ANKRD17: variants seen among roughly 807,000 people sequenced by gnomAD.
The protein encoded by ANKRD17 is ankyrin repeat domain-containing protein 17.
A neutral mutation model predicts 229.7 loss-of-function variants in ANKRD17; 19 were observed. The ratio of observed to expected loss-of-function variants is 0.08; its 90% CI spans 0.06 to 0.12. ANKRD17 has a LOEUF of 0.12. Among genes scored for constraint, ANKRD17 ranks in the 10% least tolerant of loss-of-function variants. The pLI, the probability that ANKRD17 is intolerant of heterozygous loss-of-function variation, is 1.00. For missense variants in ANKRD17, 2,176 were observed against 3,176.8 expected (o/e 0.68, Z 7.57); for synonymous variants, 1,112 against 1,146.1 (o/e 0.97, Z 0.60).
chr4:73,137,615 T>C (rs928254534), intron 15 of ANKRD17, among the ~76,000 whole-genome samples: 2 of 152,196 alleles, frequency 1.3e-5, no homozygotes, highest in Non-Finnish European at 2.9e-5. Context: ...TGTGTGTGAA[T>C]GTGCACATGC....
chr4:73,165,961 T>C (rs1733174870), intron 2 of ANKRD17, among the ~76,000 whole-genome samples: 1 of 152,318 alleles, frequency 6.6e-6, no homozygotes, highest in South Asian at 2.1e-4. Context: ...ATAAGGAACA[T>C]AGGATAGCTG....
At position 73,098,959 on chromosome 4, in the gene ANKRD17, G is replaced by A; in HGVS notation, c.4574-439C>T. The A allele has an allele frequency of 5.0e-6, 5 of 990,990 alleles. No individual in the cohort carries two copies. In the Admixed American group the frequency reaches 8.7e-5, roughly 17 times the overall value. 61.4% of individuals were successfully genotyped at this position (990,990 alleles called of 1,614,324 possible). On this transcript the variant is annotated intron_variant, in intron 25 of 33. Transcript: ENST00000358602. ...GGACAGCACTGGTAGGGAGTCAGAA[G>A]GAGCCCAGTGAAGTGCCAACACCTA...
At position 73,074,306 on chromosome 4, in the gene ANKRD17, A is replaced by C. The variant is rs1720874801; in HGVS notation, c.*1925T>G. On this transcript the variant is annotated 3_prime_UTR_variant, in exon 34 of 34. Transcript: ENST00000358602. ...CCAGCAGGATTACCTTAAATAGAAA[A>C]TAACCCTAGTTAACACAGGAAAGAA... is the stretch of plus-strand genomic sequence containing the variant. The C allele has an allele frequency of 6.6e-6, 1 of 152,024 alleles. No individual in the cohort carries two copies. Among genetic ancestry groups the C allele is most frequent in the African/African-American group, 2.4e-5 (1 of 41,446 alleles). 9.4% of individuals were successfully genotyped at this position (152,024 alleles called of 1,614,324 possible).
At chr4:73,146,128 C>T (rs1730253810) in intron 10 of ANKRD17, among the ~76,000 whole-genome samples, 1 of 152,094 alleles carries the variant, frequency 6.6e-6, no homozygotes, top group African/African-American at 2.4e-5. Context: ...AGGCTTCACT[C>T]ATAACATTTT....
chr4:73,076,609 T>C (rs776956753), intron 33 of ANKRD17, among the ~76,000 whole-genome samples: 22 of 152,248 alleles, frequency 1.4e-4, no homozygotes, highest in Admixed American at 6.5e-4. Flanking sequence ...GAGTTATTTA[T>C]AGTACCTTTA....
At chr4:73,146,943 ACTT>A (rs1440336505) in intron 9 of ANKRD17, 70 bp from the exon 10 acceptor site, 8 of 1,289,336 alleles carry the variant, frequency 6.2e-6, no homozygotes, top group South Asian at 1.5e-5. Context: ...GAAAATAAAA[ACTT>A]CTTCTAGATA....
intron 1 of ANKRD17, among the ~76,000 whole-genome samples, chr4:73,243,930 G>T (rs1311199252): frequency 6.6e-6 from 1 of 152,156 alleles, no homozygotes; most frequent in African/African-American, 2.4e-5. Context: ...AAATACCATA[G>T]ACTGGGTAGT....
intron 2 of ANKRD17, among the ~76,000 whole-genome samples, chr4:73,171,182 A>G (rs1300568688): frequency 9.1e-5 from 5 of 55,004 alleles, no homozygotes; most frequent in South Asian, 4.7e-4. Flanking sequence ...GAGGGGGGAG[A>G]GAGAGAGAGA....
chr4:73,133,782 G>C (rs1345749825), intron 16 of ANKRD17, among the ~76,000 whole-genome samples: 1 of 152,138 alleles, frequency 6.6e-6, no homozygotes, highest in Non-Finnish European at 1.5e-5. Flanking sequence ...CAGCTACTCA[G>C]GAGGCTGAGA....
At chr4:73,155,518 A>T in intron 5 of ANKRD17, 113 bp downstream of exon 5, 1 of 1,108,406 alleles carries the variant, frequency 9.0e-7, no homozygotes, top group South Asian at 1.5e-5. Context: ...GAGAATATGT[A>T]GCACTTCTAA....
At chr4:73,144,904 A>G in intron 10 of ANKRD17, 72 bp from the exon 11 acceptor site, 1 of 1,078,948 alleles carries the variant, frequency 9.3e-7, no homozygotes, top group Non-Finnish European at 1.3e-6. Context: ...ATGGAAATCA[A>G]AAGGAAAATA....
intron 1 of ANKRD17, among the ~76,000 whole-genome samples, chr4:73,187,627 G>C (rs1381381426): frequency 6.6e-6 from 1 of 152,182 alleles, no homozygotes; most frequent in African/African-American, 2.4e-5. Flanking sequence ...GGAGGCCTTT[G>C]AGCACCAATG....
At chr4:73,097,017 T>C (rs1339056111) in intron 27 of ANKRD17, 100 bp downstream of exon 27, 26 of 1,376,326 alleles carry the variant, frequency 1.9e-5, no homozygotes, top group Non-Finnish European at 2.3e-5. Flanking sequence ...ATCAGTTTGT[T>C]TGCAACCTTT....
At chr4:73,186,180 A>G (rs1736268164) in intron 1 of ANKRD17, among the ~76,000 whole-genome samples, 1 of 152,056 alleles carries the variant, frequency 6.6e-6, no homozygotes, top group African/African-American at 2.4e-5. Flanking sequence ...AAATAAGGGT[A>G]AACTTTGATA....
At chr4:73,226,629 G>A (rs1046515530) in intron 1 of ANKRD17, among the ~76,000 whole-genome samples, 2 of 151,544 alleles carry the variant, frequency 1.3e-5, no homozygotes, top group Admixed American at 6.6e-5. Context: ...TCCTGACCTC[G>A]TAATTCACCC....
rs969119257 is a variant in ANKRD17 at position 73,099,147 on chromosome 4, C to T, written c.4574-627G>A. The T allele has an allele frequency of 4.0e-5, 28 of 693,440 alleles. No individual in the cohort carries two copies. The Middle Eastern group carries it at 1.2e-3, about 29-fold the overall frequency. The allele number at this position is 693,440 out of a possible 1,614,324, so 43.0% of individuals were successfully genotyped here. ...GAGTCCTCAGAGGAGGAGCAGTGAC[C>T]GTGTGTGCTGCCTGTGCCTCACTGA... On this transcript the variant is annotated intron_variant, in intron 25 of 33. Coordinates refer to ENST00000358602, the MANE Select transcript of ANKRD17 (RefSeq NM_032217.5).
At chr4:73,158,705 C>T (rs913367720) in intron 3 of ANKRD17, among the ~76,000 whole-genome samples, 3 of 152,168 alleles carry the variant, frequency 2.0e-5, no homozygotes, top group Non-Finnish European at 4.4e-5. Context: ...CTTCATGAAT[C>T]GGTTAATCCA....
rs534054312 is a variant in ANKRD17, at chr4:73,127,218, A to G, written c.3235-1906T>C. Among the ~76,000 whole-genome samples the G allele has an allele frequency of 4.1e-4, 62 of 152,232 alleles. No individual in the cohort carries two copies. In the South Asian group the frequency reaches 0.013, roughly 31 times the overall value. On this transcript the variant is annotated intron_variant, in intron 16 of 33. Coordinates refer to ENST00000358602, the MANE Select transcript of ANKRD17 (RefSeq NM_032217.5). ...GAGGGACTTCTGGTGCTAAAACAGGAAAGTCCCAGGAAAACCAAAATGATT... is the reference window on the plus strand; with the variant it reads ...GAGGGACTTCTGGTGCTAAAACAGGGAAGTCCCAGGAAAACCAAAATGATT...
At chr4:73,252,280 G>C (rs1308736931) in intron 1 of ANKRD17, among the ~76,000 whole-genome samples, 2 of 152,128 alleles carry the variant, frequency 1.3e-5, no homozygotes, top group African/African-American at 4.8e-5. Flanking sequence ...TAATTAAAGG[G>C]CAAAACATGA....
Sources: gnomAD v4.1 joint callset for allele counts (sites outside exome capture counted in the v4.1 genomes callset) on GRCh38, gnomAD v4.1.1 for gene constraint, MANE v1.5 for transcripts, NCBI Gene and HGNC (gene_info 2026-07-23, HGNC 2026-07-21) for gene names.